Variants in PLAC1 observed in about 807,000 individuals in gnomAD.
PLAC1 encodes the protein placenta associated 1.
For missense variants in PLAC1, 136 were observed against 163.2 expected (o/e 0.83, Z 0.91); for synonymous variants, 68 against 62.1 (o/e 1.09, Z -0.44).
At chrX:134,648,971 T>C (rs1255426167) in intron 1 of PLAC1, among the ~76,000 whole-genome samples, 1 of 111,710 alleles carries the variant, frequency 9.0e-6, no homozygotes, top group Non-Finnish European at 1.9e-5. Context: ...AATTAGGTTA[T>C]ATTAAAGACA....
At chrX:134,729,765 G>A (rs771643217) in intron 2 of PLAC1, among the ~76,000 whole-genome samples, 49 of 111,674 alleles carry the variant, frequency 4.4e-4, no homozygotes, top group Non-Finnish European at 8.5e-4. Context: ...GGTGTTTTCT[G>A]TTTCTTTTTC....
intron 2 of PLAC1, among the ~76,000 whole-genome samples, chrX:134,728,394 G>A (rs1360146292): frequency 1.1e-4 from 12 of 111,754 alleles, no homozygotes; most frequent in Admixed American, 8.6e-4. Flanking sequence ...AGCAGCAAGA[G>A]GGAAGTGACT....
intron 1 of PLAC1, among the ~76,000 whole-genome samples, chrX:134,756,242 C>A (rs2078756902): frequency 9.1e-6 from 1 of 110,157 alleles, no homozygotes; most frequent in Admixed American, 9.7e-5. Flanking sequence ...AAATACTCAT[C>A]ATTTTATGGC....
intron 2 of PLAC1, among the ~76,000 whole-genome samples, chrX:134,600,620 T>C (rs761510855): frequency 2.3e-4 from 25 of 110,522 alleles, no homozygotes; most frequent in Admixed American, 4.8e-4. Flanking sequence ...CACCGCACTC[T>C]AGCATGGGCA....
At chrX:134,696,847 T>C (rs6635012) in intron 2 of PLAC1, among the ~76,000 whole-genome samples, 2 of 108,942 alleles carry the variant, frequency 1.8e-5, no homozygotes, top group Admixed American at 9.8e-5. Context: ...GCTAACTCTG[T>C]GAAAACCCAT....
intron 1 of PLAC1, among the ~76,000 whole-genome samples, chrX:134,628,079 T>C (rs1447905381): frequency 8.9e-6 from 1 of 112,155 alleles, no homozygotes; most frequent in Admixed American, 9.4e-5. Flanking sequence ...AAGAAAACCA[T>C]GTAAAGAGCT....
At chrX:134,578,515 CTTTTTTTTT>C (rs766626696) in intron 2 of PLAC1, among the ~76,000 whole-genome samples, 1 of 55,976 alleles carries the variant, frequency 1.8e-5, no homozygotes, top group Admixed American at 3.2e-4. Context: ...TTCTTTCTTT[CTTTTTTTTT>C]TTTTTTTTTT....
intron 2 of PLAC1, among the ~76,000 whole-genome samples, chrX:134,569,519 G>A (rs1406259668): frequency 8.9e-6 from 1 of 111,785 alleles, no homozygotes; most frequent in East Asian, 2.8e-4. Context: ...CTCAGATAAA[G>A]CTTAAAGAAG....
At chrX:134,748,875 C>A (rs2078734994) in intron 1 of PLAC1, among the ~76,000 whole-genome samples, 1 of 112,117 alleles carries the variant, frequency 8.9e-6, no homozygotes, top group Non-Finnish European at 1.9e-5. Context: ...GTCGTATTGT[C>A]CCTTACTGGC....
chrX:134,745,879 C>A (rs993374693), intron 1 of PLAC1, among the ~76,000 whole-genome samples: 3 of 111,483 alleles, frequency 2.7e-5, no homozygotes, highest in Admixed American at 1.9e-4. Flanking sequence ...AAGCACTACC[C>A]AAACCACAGT....
At chrX:134,624,489 AG>A (rs1224462581) in intron 1 of PLAC1, among the ~76,000 whole-genome samples, 3 of 112,600 alleles carry the variant, frequency 2.7e-5, no homozygotes, top group African/African-American at 9.7e-5. Flanking sequence ...TACCTCTCAA[AG>A]CCTACTATAA....
intron 1 of PLAC1, among the ~76,000 whole-genome samples, chrX:134,621,280 T>C (rs1470740740): frequency 2.8e-5 from 3 of 108,555 alleles, no homozygotes; most frequent in African/African-American, 1.0e-4. Flanking sequence ...ATCCCATCTC[T>C]ACTAAAACTA....
chrX:134,672,181 C>T (rs151060999), intron 2 of PLAC1, among the ~76,000 whole-genome samples: 69 of 112,243 alleles, frequency 6.1e-4, no homozygotes, highest in African/African-American at 2.0e-3. Flanking sequence ...GTGGTGACGA[C>T]CCTACTATTG....
At chrX:134,645,026 T>G in intron 1 of PLAC1, among the ~76,000 whole-genome samples, 1 of 111,745 alleles carries the variant, frequency 8.9e-6, no homozygotes, top group Middle Eastern at 4.6e-3. Context: ...CTCCTCCAGT[T>G]GGTAGCCTTT....
chrX:134,707,603 T>C (rs1314960117), intron 2 of PLAC1, among the ~76,000 whole-genome samples: 1 of 111,927 alleles, frequency 8.9e-6, no homozygotes, highest in Non-Finnish European at 1.9e-5. Flanking sequence ...GTCCTTATGA[T>C]AGCAAACTAA....
chrX:134,734,816 T>C (rs1393328620), intron 1 of PLAC1, among the ~76,000 whole-genome samples: 1 of 111,025 alleles, frequency 9.0e-6, no homozygotes, highest in East Asian at 2.8e-4. Context: ...TGGGGGATAC[T>C]GTACTTACTG....
chrX:134,692,883 G>A (rs757486851), intron 2 of PLAC1, among the ~76,000 whole-genome samples: 1 of 111,788 alleles, frequency 8.9e-6, no homozygotes, highest in East Asian at 2.8e-4. Context: ...AAATTATTAG[G>A]GGGAAGGGGA....
chrX:134,578,139 C>T (rs977787133), intron 2 of PLAC1, among the ~76,000 whole-genome samples: 2 of 110,952 alleles, frequency 1.8e-5, no homozygotes, highest in South Asian at 3.8e-4. Context: ...ACCAGCTGGG[C>T]GCAGTGGCTC....
intron 2 of PLAC1, among the ~76,000 whole-genome samples, chrX:134,571,115 A>C (rs763204937): frequency 8.9e-6 from 1 of 112,012 alleles, no homozygotes; most frequent in Admixed American, 9.5e-5. Context: ...TCTTATAGAC[A>C]GGAAGAGAAT....
Sources: allele counts gnomAD v4.1 joint callset (sites outside exome capture counted in the v4.1 genomes callset), GRCh38; gene constraint gnomAD v4.1.1; transcripts MANE v1.5; gene names NCBI Gene and HGNC (gene_info 2026-07-23, HGNC 2026-07-21).